The following MAP2K1 variants were observed in gnomAD, a reference collection of about 807,000 sequenced individuals.
MAP2K1 encodes the protein mitogen-activated protein kinase kinase 1, also known as dual specificity mitogen-activated protein kinase kinase 1.
In MAP2K1, 16 loss-of-function variants were observed where a neutral mutation model predicts 46.3. That is an observed-to-expected ratio of 0.35 (90% confidence interval 0.23 to 0.52). The LOEUF is 0.52. MAP2K1 is among the 20% of genes least tolerant of loss of function. MAP2K1 has a pLI of 0.94. For missense variants in MAP2K1, 263 were observed against 497.1 expected (o/e 0.53, Z 4.48); for synonymous variants, 183 against 185.6 (o/e 0.99, Z 0.11).
chr15:66,393,136 A>C (rs550199728), intron 1 of MAP2K1, among the ~76,000 whole-genome samples: 1 of 150,676 alleles, frequency 6.6e-6, no homozygotes, highest in African/African-American at 2.4e-5. Context: ...CTTAGGGTAC[A>C]TTGTCTCTCC....
chr15:66,388,708 G>T (rs2093349146), intron 1 of MAP2K1, among the ~76,000 whole-genome samples: 1 of 151,350 alleles, frequency 6.6e-6, no homozygotes, highest in Non-Finnish European at 1.5e-5. Context: ...GGACCTGTTG[G>T]CTTGATGACT....
At chr15:66,390,464 T>A (rs980745279) in intron 1 of MAP2K1, among the ~76,000 whole-genome samples, 1 of 152,152 alleles carries the variant, frequency 6.6e-6, no homozygotes, top group South Asian at 2.1e-4. Flanking sequence ...TGGTACCAAA[T>A]TGGCAAGGTT....
chr15:66,446,780 A>T (rs530672288), intron 5 of MAP2K1: 1 of 286,848 alleles, frequency 3.5e-6, no homozygotes, highest in Admixed American at 3.4e-5. Flanking sequence ...AGCCTTCCAC[A>T]TATTTCCTTT....
At chr15:66,485,227 G>A (rs531359103) in intron 7 of MAP2K1, 36 bp downstream of exon 7, 2 of 1,586,798 alleles carry the variant, frequency 1.3e-6, no homozygotes, top group Admixed American at 3.4e-5. Flanking sequence ...TTGGACTGTT[G>A]GAGGGGAGGG....
rs754481738 is a variant in MAP2K1 at position 66,490,371 on chromosome 15, G to C, written c.1069-131G>C. 3 of 770,728 alleles carry C rather than the reference G, an allele frequency of 3.9e-6. No homozygotes were observed. The South Asian group carries it at 4.1e-5, about 11-fold the overall frequency. The allele number at this position is 770,728 out of a possible 1,614,324, so 47.7% of individuals were successfully genotyped here. A position where few individuals can be genotyped will look rare whatever the true frequency, so the allele number is the denominator to read the frequency against. On this transcript the variant is annotated intron_variant, in intron 10 of 10. Transcript: ENST00000307102. ...TGCAGCTGGCCCCACTGTTGCTCAG[G>C]GGCAGGTGCCAGGTGCTCTTTCCAA...
chr15:66,449,493 CT>C (rs1451452455), intron 5 of MAP2K1, among the ~76,000 whole-genome samples: 5 of 152,134 alleles, frequency 3.3e-5, no homozygotes, highest in Non-Finnish European at 7.3e-5. Context: ...CATAAGGGAA[CT>C]TTTTTGGAGT....
intron 1 of MAP2K1, chr15:66,414,905 G>A: frequency 2.8e-6 from 1 of 351,436 alleles, no homozygotes; most frequent in Non-Finnish European, 5.5e-6. Flanking sequence ...GAAGGTCATG[G>A]CGGGGAGTGC....
chr15:66,413,702 G>C (rs1461525798), intron 1 of MAP2K1, among the ~76,000 whole-genome samples: 1 of 151,922 alleles, frequency 6.6e-6, no homozygotes, highest in African/African-American at 2.4e-5. Flanking sequence ...GATACTTCCA[G>C]CTTAATTGAG....
intron 1 of MAP2K1, among the ~76,000 whole-genome samples, chr15:66,425,288 T>C (rs1002855544): frequency 6.6e-6 from 1 of 152,210 alleles, no homozygotes; most frequent in African/African-American, 2.4e-5. Context: ...TGAGCACAGC[T>C]TTAGGCTTAG....
intron 5 of MAP2K1, among the ~76,000 whole-genome samples, chr15:66,455,467 T>G (rs1371819260): frequency 6.6e-6 from 1 of 152,232 alleles, no homozygotes; most frequent in Non-Finnish European, 1.5e-5. Flanking sequence ...AAGGTAGGTA[T>G]TCCTGCACTT....
intron 5 of MAP2K1, among the ~76,000 whole-genome samples, chr15:66,462,540 G>A (rs1460534239): frequency 6.8e-6 from 1 of 147,672 alleles, no homozygotes; most frequent in Non-Finnish European, 1.5e-5. Flanking sequence ...ATGGATTATT[G>A]TTGAAGCTGG....
intron 1 of MAP2K1, among the ~76,000 whole-genome samples, chr15:66,410,827 A>C (rs918712284): frequency 1.3e-5 from 2 of 152,188 alleles, no homozygotes; most frequent in African/African-American, 2.4e-5. Flanking sequence ...GAGACAGATC[A>C]CTTGGCAGGG....
rs1320811774 is a variant in MAP2K1, at chr15:66,387,320, A to T, written c.-28A>T. ...GCGAGAGGTGCTGCCCTCCCCCCGG[A>T]GTTGGAAGCGCGTTACCCGGGTCCA... On this transcript the variant is annotated 5_prime_UTR_variant, in exon 1 of 11. Coordinates refer to ENST00000307102, the MANE Select transcript of MAP2K1 (RefSeq NM_002755.4). The T allele has an allele frequency of 1.1e-5, 17 of 1,536,848 alleles. No homozygotes were observed. The highest frequency in any genetic ancestry group is 1.3e-5 in the Non-Finnish European group (15 of 1,133,970).
intron 5 of MAP2K1, among the ~76,000 whole-genome samples, chr15:66,461,861 A>T (rs1892331710): frequency 6.6e-6 from 1 of 152,090 alleles, no homozygotes; most frequent in African/African-American, 2.4e-5. Flanking sequence ...ATCCTGGCAG[A>T]GTTGTTTATT....
At chr15:66,422,352 C>T (rs2093445741) in intron 1 of MAP2K1, among the ~76,000 whole-genome samples, 1 of 152,186 alleles carries the variant, frequency 6.6e-6, no homozygotes, top group Non-Finnish European at 1.5e-5. Flanking sequence ...CCCAGTTTCT[C>T]CGTCTAAACC....
At chr15:66,481,279 G>C (rs886963325) in intron 5 of MAP2K1, among the ~76,000 whole-genome samples, 2 of 152,182 alleles carry the variant, frequency 1.3e-5, no homozygotes, top group Non-Finnish European at 2.9e-5. Flanking sequence ...TGGTGCAGAA[G>C]TCTAGAATGG....
Position 66,487,295 on chromosome 15 carries a change from A to G in MAP2K1, c.960+3A>G. 1 of 1,613,996 alleles carries G rather than the reference A, an allele frequency of 6.2e-7. No homozygotes were observed. The stretch of plus-strand genomic sequence containing the variant: ...TGTTGGATTACATAGTCAACGAGGT[A>G]AGTACTGCCTGGTTTCCTTCACCTT... On this transcript the variant is annotated splice_donor_region_variant and intron_variant, in intron 8 of 10. Transcript: ENST00000307102.
intron 1 of MAP2K1, among the ~76,000 whole-genome samples, chr15:66,409,483 CA>C (rs2093406090): frequency 6.6e-6 from 1 of 152,130 alleles, no homozygotes; most frequent in Non-Finnish European, 1.5e-5. Context: ...GGATATGTGA[CA>C]TGGGTGGCTG....
chr15:66,444,134 A>G (rs1428938402), intron 4 of MAP2K1, among the ~76,000 whole-genome samples: 4 of 147,294 alleles, frequency 2.7e-5, no homozygotes, highest in African/African-American at 5.1e-5. Flanking sequence ...GCTACTCGGG[A>G]GGCTGAGGCA....
Sources: allele counts gnomAD v4.1 joint callset (sites outside exome capture counted in the v4.1 genomes callset), GRCh38; gene constraint gnomAD v4.1.1; transcripts MANE v1.5; gene names NCBI Gene and HGNC (gene_info 2026-07-23, HGNC 2026-07-21).